CACNG3: variants seen among roughly 807,000 people sequenced by gnomAD.
CACNG3 encodes calcium voltage-gated channel auxiliary subunit gamma 3, also known as voltage-dependent calcium channel gamma-3 subunit.
CACNG3 carries 3 observed loss-of-function variants against 28.5 expected under a neutral mutation model. That is an observed-to-expected ratio of 0.11 (90% confidence interval 0.05 to 0.27). The LOEUF (loss-of-function observed/expected upper bound fraction) is 0.27. Among genes scored for constraint, CACNG3 ranks in the 10% least tolerant of loss-of-function variants. The pLI, the probability that CACNG3 is intolerant of heterozygous loss-of-function variation, is 1.00. For missense variants in CACNG3, 236 were observed against 414.4 expected (o/e 0.57, Z 3.74); for synonymous variants, 174 against 162.2 (o/e 1.07, Z -0.55).
chr16:24,265,220 TGACAGAGTG>T (rs931887658), intron 1 of CACNG3, among the ~76,000 whole-genome samples: 2 of 141,484 alleles, frequency 1.4e-5, no homozygotes, highest in African/African-American at 5.8e-5. Context: ...CTAGCCTGGG[TGACAGAGTG>T]AGACTGTGTG....
At chr16:24,320,935 G>A (rs1861448898) in intron 1 of CACNG3, among the ~76,000 whole-genome samples, 1 of 151,858 alleles carries the variant, frequency 6.6e-6, no homozygotes. Context: ...GTCTCACTAT[G>A]TTGCCCAGGT....
In CACNG3 at chr16:24,338,071, C is replaced by T. The variant is rs76144271; in HGVS notation, c.212-8663C>T. Reference sequence around the variant, plus strand: ...CAGCTGATGGACCCAGTGAAACCACCGCAATAGGCCTTCTTTTTTCCTACT... The same window carrying T: ...CAGCTGATGGACCCAGTGAAACCACTGCAATAGGCCTTCTTTTTTCCTACT... On this transcript the variant is annotated intron_variant, in intron 1 of 3. Coordinates refer to ENST00000005284, the MANE Select transcript of CACNG3 (RefSeq NM_006539.4). Among the ~76,000 whole-genome samples the T allele has an allele frequency of 8.3e-3, 1,261 of 152,106 alleles. 16 individuals carry two copies. The highest frequency in any genetic ancestry group is 0.029 in the African/African-American group (1,216 of 41,486).
chr16:24,313,083 G>GGAAGGAAGGAAGGAAGGAAT (rs1899296318), intron 1 of CACNG3, among the ~76,000 whole-genome samples: 1 of 150,024 alleles, frequency 6.7e-6, no homozygotes, highest in Non-Finnish European at 1.5e-5. Context: ...GAGGAAGGAA[G>GGAAGGAAGGAAGGAAGGAAT]GAAGGAAGGA....
At chr16:24,347,671 A>C (rs1261972184) in intron 2 of CACNG3, among the ~76,000 whole-genome samples, 1 of 152,186 alleles carries the variant, frequency 6.6e-6, no homozygotes, top group African/African-American at 2.4e-5. Context: ...GGACAGAGCC[A>C]ATGTCTCTGT....
intron 1 of CACNG3, among the ~76,000 whole-genome samples, chr16:24,322,017 C>T (rs147305446): frequency 2.1e-4 from 32 of 152,192 alleles, no homozygotes; most frequent in Non-Finnish European, 3.7e-4. Flanking sequence ...CTGCTGTATA[C>T]CCGTGTACCA....
At chr16:24,347,699 A>G (rs942355706) in intron 2 of CACNG3, among the ~76,000 whole-genome samples, 1 of 152,216 alleles carries the variant, frequency 6.6e-6, no homozygotes, top group Admixed American at 6.5e-5. Flanking sequence ...TTCCAAAGTC[A>G]GTAACCTGGA....
At chr16:24,259,708 C>T (rs1596618386) in intron 1 of CACNG3, among the ~76,000 whole-genome samples, 1 of 152,224 alleles carries the variant, frequency 6.6e-6, no homozygotes, top group South Asian at 2.1e-4. Flanking sequence ...TGTGTGGCCT[C>T]AAGGAGGTAG....
intron 1 of CACNG3, among the ~76,000 whole-genome samples, chr16:24,259,023 C>T (rs747862366): frequency 9.9e-5 from 15 of 152,144 alleles, no homozygotes; most frequent in Non-Finnish European, 2.2e-4. Context: ...GAATTGAAAC[C>T]CCAGCCAGGC....
intron 1 of CACNG3, among the ~76,000 whole-genome samples, chr16:24,295,543 G>A (rs1408342869): frequency 6.6e-6 from 1 of 152,174 alleles, no homozygotes; most frequent in Non-Finnish European, 1.5e-5. Context: ...ATTAACTCAT[G>A]TAATCCTCAA....
chr16:24,348,283 G>A (rs114824464), intron 2 of CACNG3, among the ~76,000 whole-genome samples: 2,245 of 151,712 alleles, frequency 0.015, 50 homozygotes, highest in African/African-American at 0.05. Flanking sequence ...CACACCCTTA[G>A]TCCCAGCTAC....
At chr16:24,300,226 T>G (rs1252601208) in intron 1 of CACNG3, among the ~76,000 whole-genome samples, 1 of 152,192 alleles carries the variant, frequency 6.6e-6, no homozygotes, top group Non-Finnish European at 1.5e-5. Context: ...ACATCCCAGA[T>G]AAAGAGTTAG....
intron 1 of CACNG3, among the ~76,000 whole-genome samples, chr16:24,268,235 G>A (rs1596621302): frequency 6.6e-6 from 1 of 152,138 alleles, no homozygotes; most frequent in South Asian, 2.1e-4. Flanking sequence ...AGGCTAAATT[G>A]AGCCTCATGA....
intron 1 of CACNG3, among the ~76,000 whole-genome samples, chr16:24,270,601 G>C (rs1024299105): frequency 6.6e-6 from 1 of 152,146 alleles, no homozygotes; most frequent in Non-Finnish European, 1.5e-5. Flanking sequence ...GCAGGGGTTG[G>C]GTTTCAAGAG....
chr16:24,356,030 C>G (rs1213427197), intron 3 of CACNG3, among the ~76,000 whole-genome samples: 1 of 152,214 alleles, frequency 6.6e-6, no homozygotes, highest in African/African-American at 2.4e-5. Flanking sequence ...ACCTCCATCC[C>G]TTCACTGGTG....
At chr16:24,258,279 C>G (rs977744366) in intron 1 of CACNG3, among the ~76,000 whole-genome samples, 3 of 152,210 alleles carry the variant, frequency 2.0e-5, no homozygotes, top group Admixed American at 2.0e-4. Flanking sequence ...CAACTGCTCT[C>G]CTGACCGTAG....
At chr16:24,318,121 G>T (rs1248789736) in intron 1 of CACNG3, among the ~76,000 whole-genome samples, 1 of 152,110 alleles carries the variant, frequency 6.6e-6, no homozygotes, top group Non-Finnish European at 1.5e-5. Context: ...CAGGAGCTTT[G>T]TCCCTCAGCA....
chr16:24,257,098 G>C (rs1183713430), intron 1 of CACNG3, 133 bp downstream of exon 1: 2 of 657,448 alleles, frequency 3.0e-6, no homozygotes, highest in African/African-American at 1.8e-5. Context: ...CAGGTGCCCA[G>C]ACTCTGTTAA....
chr16:24,277,389 G>A (rs117156173), intron 1 of CACNG3, among the ~76,000 whole-genome samples: 427 of 152,216 alleles, frequency 2.8e-3, no homozygotes, highest in Non-Finnish European at 3.7e-3. Context: ...CAGGGACGCC[G>A]CTAAACCCCT....
intron 1 of CACNG3, among the ~76,000 whole-genome samples, chr16:24,292,478 G>A (rs1034783539): frequency 6.6e-6 from 1 of 152,112 alleles, no homozygotes; most frequent in African/African-American, 2.4e-5. Context: ...CTTGCAGATG[G>A]CCCGAATTGG....
Sources: allele counts gnomAD v4.1 joint callset (sites outside exome capture counted in the v4.1 genomes callset), GRCh38; gene constraint gnomAD v4.1.1; transcripts MANE v1.5; gene names NCBI Gene and HGNC (gene_info 2026-07-23, HGNC 2026-07-21).